Variants in CRYZ observed in about 807,000 individuals in gnomAD.
The protein encoded by CRYZ is crystallin zeta, also known as zeta-crystallin.
In CRYZ, 35 loss-of-function variants were observed where a neutral mutation model predicts 34.1. The observed-to-expected ratio is 1.03, with a 90% CI of 0.78 to 1.36. The LOEUF is 1.36. CRYZ is among the 40% of genes most tolerant of loss of function. CRYZ has a pLI of 0.00. For synonymous variants in CRYZ, 137 were observed against 136.5 expected, an observed-to-expected ratio of 1.00 and a Z score of -0.03; for missense variants, 403 against 391.8, an observed-to-expected ratio of 1.03 and a Z score of -0.24.
Position 74,729,161 on chromosome 1 carries a change from C to T in CRYZ, c.-14+3795G>A, listed in dbSNP as rs184644833. ...TTTTTTTTTTTTCAACATGACGTTA[C>T]GGAAAGAGCAGGTTTTGGAATATGC... On this transcript the variant is annotated intron_variant, in intron 1 of 8. Transcript: ENST00000340866. Among the ~76,000 whole-genome samples the T allele has an allele frequency of 3.5e-3, 513 of 148,256 alleles. 3 individuals carry two copies. The highest frequency in any genetic ancestry group is 0.01 in the Middle Eastern group (3 of 288).
chr1:74,729,982 A>G (rs575667939), intron 1 of CRYZ, among the ~76,000 whole-genome samples: 30 of 152,264 alleles, frequency 2.0e-4, no homozygotes, highest in African/African-American at 7.2e-4. Context: ...TCACACCTAC[A>G]CACATAGCCT....
In CRYZ at chr1:74,705,719, T is replaced by C. The variant is rs182885618; in HGVS notation, c.*577A>G. On this transcript the variant is annotated 3_prime_UTR_variant, in exon 9 of 9. Transcript: ENST00000340866. ...TATTCTCACAGAACATATGGGGTCA[T>C]TGGCAGCCAACCAATAATGAAGTAA... The C allele has an allele frequency of 1.1e-4, 16 of 152,268 alleles. No individual in the cohort carries two copies. The highest frequency in any genetic ancestry group is 2.6e-4 in the African/African-American group (11 of 41,564). 9.4% of individuals were successfully genotyped at this position (152,268 alleles called of 1,614,324 possible).
At chr1:74,728,207 A>G (rs1181597524) in intron 1 of CRYZ, among the ~76,000 whole-genome samples, 1 of 152,226 alleles carries the variant, frequency 6.6e-6, no homozygotes, top group Non-Finnish European at 1.5e-5. Context: ...ACAAAAGGGG[A>G]AAAACATCAA....
intron 5 of CRYZ, 149 bp downstream of exon 5, chr1:74,714,430 A>G (rs560033140): frequency 5.0e-4 from 325 of 654,092 alleles, no homozygotes; most frequent in Admixed American, 2.1e-3. Context: ...TCACCTTCAG[A>G]AGACCAAAAT....
chr1:74,719,114 TGATGAACA>T, intron 4 of CRYZ, 87 bp downstream of exon 4: 1 of 1,298,790 alleles, frequency 7.7e-7, no homozygotes, highest in Non-Finnish European at 1.1e-6. Context: ...TAACCAAATA[TGATGAACA>T]GATGGATGGA....
chr1:74,726,390 G>A (rs927715819), intron 1 of CRYZ, among the ~76,000 whole-genome samples: 5 of 152,180 alleles, frequency 3.3e-5, no homozygotes, highest in African/African-American at 1.2e-4. Flanking sequence ...TCAGAGGCTT[G>A]GGGCTTGCAC....
chr1:74,724,728 T>G lies in CRYZ; in HGVS notation c.94A>C (p.Ile32Leu). 3.1e-6 allele frequency: 5 copies of G among 1,607,472 alleles called. No individual in the cohort carries two copies. The highest frequency in any genetic ancestry group is 3.4e-6 in the Non-Finnish European group (4 of 1,175,982). ...LKLRSDIAVP[I>L]PKDHQVLIKV... ...ATTTCTACCTGATGGTCTTTTGGAA[T>G]CGGTACTGCAATATCTGATCGCAAT... The change falls in exon 2 of 9, where the codon ATT becomes CTT. Residue 32 changes from isoleucine to leucine, a missense_variant. Transcript: ENST00000340866.
At chr1:74,721,977 C>G (rs576830653) in intron 3 of CRYZ, among the ~76,000 whole-genome samples, 1 of 152,224 alleles carries the variant, frequency 6.6e-6, no homozygotes, top group Non-Finnish European at 1.5e-5. Context: ...TTTTAAATTG[C>G]CACATGTAGC....
chr1:74,719,273 CCA>C lies in CRYZ; in HGVS notation c.362_363del (p.Leu121ArgfsTer3). 2 of 1,613,806 alleles carry C rather than the reference CCA, an allele frequency of 1.2e-6. No individual in the cohort carries two copies. The highest frequency in any genetic ancestry group is 1.7e-6 in the Non-Finnish European group (2 of 1,179,772). On this transcript the variant is annotated frameshift_variant, in exon 4 of 9. Coordinates refer to ENST00000340866, the MANE Select transcript of CRYZ (RefSeq NM_001889.4). LOFTEE classifies it high-confidence loss of function. ...CCGATGGCAGCTCCTTGTTTAAAGTCCAGTTTTTCAGGTAGTTTGTAAACAGT... is the reference window on the plus strand; with the variant it reads ...CCGATGGCAGCTCCTTGTTTAAAGTCGTTTTTCAGGTAGTTTGTAAACAGT... ...DHTVYKLPEK[L>X]DFKQGAAIGI... is the part of the protein sequence containing the mutation.
chr1:74,725,623 A>C (rs772106204), intron 1 of CRYZ, among the ~76,000 whole-genome samples: 1 of 151,982 alleles, frequency 6.6e-6, no homozygotes, highest in Non-Finnish European at 1.5e-5. Flanking sequence ...GACCCTCACA[A>C]ATCTCATGTC....
intron 8 of CRYZ, 33 bp from the exon 9 acceptor site, chr1:74,706,490 G>A: frequency 6.4e-7 from 1 of 1,570,374 alleles, no homozygotes; most frequent in African/African-American, 1.4e-5. Flanking sequence ...TCTTTTTGTA[G>A]TGAACCGTAT....
Position 74,714,684 on chromosome 1 carries a change from C to T in CRYZ, c.429-54G>A, listed in dbSNP as rs368335432. Reference sequence around the variant, plus strand: ...CTTATTTTTTGAAGCTAATTAATCTCGGGTGTTTTCATCATCTTAAGGAAT... The same window carrying T: ...CTTATTTTTTGAAGCTAATTAATCTTGGGTGTTTTCATCATCTTAAGGAAT... On this transcript the variant is annotated intron_variant, in intron 4 of 8. Transcript: ENST00000340866. 181 of 1,588,144 alleles carry T rather than the reference C, an allele frequency of 1.1e-4. 1 individual carries two copies. In the African/African-American group the frequency reaches 1.7e-3, roughly 15 times the overall value.
intron 1 of CRYZ, among the ~76,000 whole-genome samples, chr1:74,731,463 A>G (rs1319201431): frequency 6.6e-6 from 1 of 152,244 alleles, no homozygotes; most frequent in Non-Finnish European, 1.5e-5. Flanking sequence ...TGACTCATGT[A>G]AGCATATGGT....
At chr1:74,727,941 C>G (rs892078103) in intron 1 of CRYZ, among the ~76,000 whole-genome samples, 24 of 152,106 alleles carry the variant, frequency 1.6e-4, no homozygotes, top group African/African-American at 5.3e-4. Context: ...AAATTTAGTA[C>G]TCATCATTCT....
In CRYZ at chr1:74,706,056, CAACT is replaced by C. The variant is rs886402537; in HGVS notation, c.*236_*239del. ...TGGAATGCACACTCATGCCAAATGA[CAACT>C]AACATGTTATTTCCTACTATGATGA... On this transcript the variant is annotated 3_prime_UTR_variant, in exon 9 of 9. Coordinates refer to ENST00000340866, the MANE Select transcript of CRYZ (RefSeq NM_001889.4). The C allele has an allele frequency of 3.6e-5, 13 of 365,706 alleles. No homozygotes were observed. The highest frequency in any genetic ancestry group is 4.9e-5 in the Non-Finnish European group (10 of 203,102). The allele number at this position is 365,706 out of a possible 1,614,324, so 22.7% of individuals were successfully genotyped here.
intron 3 of CRYZ, among the ~76,000 whole-genome samples, chr1:74,719,615 C>A (rs781573141): frequency 9.2e-5 from 14 of 151,818 alleles, no homozygotes; most frequent in Non-Finnish European, 1.9e-4. Context: ...CCTGCCTCAG[C>A]CTCCTGAGTA....
intron 3 of CRYZ, among the ~76,000 whole-genome samples, chr1:74,721,523 A>G (rs1354888328): frequency 6.6e-6 from 1 of 152,212 alleles, no homozygotes; most frequent in Non-Finnish European, 1.5e-5. Flanking sequence ...TAAATTCTAT[A>G]AAGTGATTCA....
At position 74,705,641 on chromosome 1, in the gene CRYZ, T is replaced by C. The variant is rs1646918313; in HGVS notation, c.*655A>G. The stretch of plus-strand genomic sequence containing the variant: ...AAATCTACTCTGAAAATCTAATCAA[T>C]TGCGAAGTATTACCTATTTGGAGAC... On this transcript the variant is annotated 3_prime_UTR_variant, in exon 9 of 9. Transcript: ENST00000340866. 1 of 152,116 alleles carries C rather than the reference T, an allele frequency of 6.6e-6. No individual in the cohort carries two copies. The allele number at this position is 152,116 out of a possible 1,614,324, so 9.4% of individuals were successfully genotyped here.
intron 4 of CRYZ, among the ~76,000 whole-genome samples, chr1:74,717,418 G>T (rs1287128320): frequency 6.6e-6 from 1 of 152,012 alleles, no homozygotes; most frequent in Non-Finnish European, 1.5e-5. Context: ...TGTCACCAAT[G>T]ACCTCTTAAT....
Sources: allele counts gnomAD v4.1 joint callset (sites outside exome capture counted in the v4.1 genomes callset), GRCh38; gene constraint gnomAD v4.1.1; transcripts MANE v1.5; gene names NCBI Gene and HGNC (gene_info 2026-07-23, HGNC 2026-07-21).